ESF1: variants seen among roughly 807,000 people sequenced by gnomAD.
The protein encoded by ESF1 is ESF1 homolog.
ESF1 carries 58 observed loss-of-function variants against 92.0 expected under a neutral mutation model. The ratio of observed to expected loss-of-function variants is 0.63; its 90% CI spans 0.51 to 0.78. The LOEUF (loss-of-function observed/expected upper bound fraction) is 0.78, where lower values mean the gene tolerates loss of function less well. Ranked by LOEUF, ESF1 falls within the 30% of genes least tolerant of loss-of-function variation. The probability of loss-of-function intolerance (pLI) is 0.00; values close to 1 mark genes in which losing one functional copy is unlikely to be tolerated. For missense variants in ESF1, 922 were observed against 989.1 expected (o/e 0.93, Z 0.91); for synonymous variants, 321 against 313.7 (o/e 1.02, Z -0.24).
chr20:13,761,237 ACACTGCGGAAGGCCGCAG>A (rs957956976), intron 8 of ESF1, among the ~76,000 whole-genome samples: 12 of 152,080 alleles, frequency 7.9e-5, no homozygotes, highest in Admixed American at 7.2e-4. Context: ...AGGGACACAA[ACACTGCGGAAGGCCGCAG>A]GGTCCTCTGC....
intron 9 of ESF1, among the ~76,000 whole-genome samples, chr20:13,738,791 C>T (rs116810027): frequency 0.018 from 2,802 of 152,200 alleles, 91 homozygotes; most frequent in African/African-American, 0.062. Flanking sequence ...GTAACTCTAG[C>T]GGCCAGTGAA....
intron 3 of ESF1, 97 bp from the exon 4 acceptor site, chr20:13,775,367 G>T: frequency 1.3e-6 from 1 of 751,320 alleles, no homozygotes; most frequent in Non-Finnish European, 2.1e-6. Flanking sequence ...TGTCCCCTAT[G>T]CTCTGAAATT....
In ESF1 at chr20:13,782,799, CT is replaced by C. The variant is rs1418161901; in HGVS notation, c.341del (p.Lys114ArgfsTer18). On this transcript the variant is annotated frameshift_variant, in exon 2 of 14. Transcript: ENST00000617257. LOFTEE classifies it high-confidence loss of function. The part of the protein sequence containing the change: ...EIDSKNLVEK[K>X]KETKKANHKG... ...TGTGATTAGCCTTCTTGGTTTCTTT[CT>C]TTTTCTCAACTAGATTTTTTGAATC... 2.5e-6 allele frequency: 4 copies of C among 1,604,734 alleles called. No homozygotes were observed. The highest frequency in any genetic ancestry group is 1.7e-5 in the Admixed American group (1 of 58,112).
intron 11 of ESF1, among the ~76,000 whole-genome samples, chr20:13,719,422 C>T (rs2049852543): frequency 6.6e-6 from 1 of 151,958 alleles, no homozygotes; most frequent in Non-Finnish European, 1.5e-5. Context: ...ATTCCATGTA[C>T]TAGTGACATA....
chr20:13,749,917 C>T (rs537194676), intron 9 of ESF1, among the ~76,000 whole-genome samples: 1 of 152,194 alleles, frequency 6.6e-6, no homozygotes, highest in East Asian at 1.9e-4. Context: ...ACCACCCACC[C>T]TCAGTAAAGA....
At chr20:13,768,600 A>AG (rs1979536258) in intron 7 of ESF1, among the ~76,000 whole-genome samples, 1 of 151,328 alleles carries the variant, frequency 6.6e-6, no homozygotes, top group African/African-American at 2.4e-5. Context: ...GCAAAAAAAA[A>AG]GAAAAGGGAG....
At position 13,775,164 on chromosome 20, in the gene ESF1, G is replaced by A; in HGVS notation, c.1142C>T (p.Ser381Phe). 1 of 1,582,502 alleles carries A rather than the reference G, an allele frequency of 6.3e-7. No individual in the cohort carries two copies. The part of the protein sequence containing the change: ...SFKPKGGVIF[S>F]VKIYPSEFGK... ...AATGAAATCAATTCTCACCTTGACG[G>A]AAAATATTACACCTCCTTTGGGTTT... is the stretch of plus-strand genomic sequence containing the variant. Residue 381 changes from serine to phenylalanine, a missense_variant, in exon 4 of 14, where the codon TCC (serine) becomes TTC (phenylalanine). Transcript: ENST00000617257.
chr20:13,725,821 T>A (rs1457653923), intron 11 of ESF1, among the ~76,000 whole-genome samples: 1 of 152,212 alleles, frequency 6.6e-6, no homozygotes, highest in East Asian at 1.9e-4. Flanking sequence ...CTCAGACTTA[T>A]ATCTCAATAT....
At chr20:13,760,357 T>C (rs1225298018) in intron 8 of ESF1, among the ~76,000 whole-genome samples, 1 of 150,896 alleles carries the variant, frequency 6.6e-6, no homozygotes, top group African/African-American at 2.4e-5. Flanking sequence ...GAGGAGCATC[T>C]CTGCCCGGCC....
chr20:13,730,871 C>G (rs1321286424), intron 10 of ESF1, among the ~76,000 whole-genome samples: 1 of 152,028 alleles, frequency 6.6e-6, no homozygotes, highest in Non-Finnish European at 1.5e-5. Flanking sequence ...GTATTCATTT[C>G]TTCAGTAATA....
chr20:13,782,423 TTAA>T (rs1297763056), intron 2 of ESF1, 78 bp downstream of exon 2: 7 of 1,177,852 alleles, frequency 5.9e-6, no homozygotes, highest in South Asian at 4.4e-5. Flanking sequence ...AAAATACTTA[TTAA>T]TGTGTTTACA....
intron 2 of ESF1, 55 bp from the exon 3 acceptor site, chr20:13,776,325 T>A (rs1191784184): frequency 8.1e-6 from 12 of 1,487,524 alleles, no homozygotes; most frequent in African/African-American, 1.4e-5. Flanking sequence ...TGAATTAAAC[T>A]GAATCCAAAT....
At chr20:13,728,592 C>A in intron 10 of ESF1, 127 bp from the exon 11 acceptor site, 2 of 761,142 alleles carry the variant, frequency 2.6e-6, no homozygotes, top group Non-Finnish European at 4.2e-6. Context: ...AGTGGCCAAG[C>A]GTGGTGGCTC....
intron 7 of ESF1, 69 bp downstream of exon 7, chr20:13,769,838 A>G (rs1979600702): frequency 1.1e-6 from 1 of 926,500 alleles, no homozygotes; most frequent in African/African-American, 2.1e-5. Flanking sequence ...AAGATGCTAT[A>G]AGTAATATAC....
Position 13,714,873 on chromosome 20 carries a change from G to C in ESF1, c.*1C>G. 1 of 1,592,892 alleles carries C rather than the reference G, an allele frequency of 6.3e-7. No individual in the cohort carries two copies. The highest frequency in any genetic ancestry group is 8.5e-7 in the Non-Finnish European group (1 of 1,171,860). Reference sequence around the variant, plus strand: ...TCAGTTCAAAAATAAGTAACATCCAGTTATTTGACTTTTTGCTTTTTTCTT... The same window carrying C: ...TCAGTTCAAAAATAAGTAACATCCACTTATTTGACTTTTTGCTTTTTTCTT... On this transcript the variant is annotated 3_prime_UTR_variant, in exon 14 of 14. Transcript: ENST00000617257.
chr20:13,716,047 A>G (rs1373838549), intron 13 of ESF1, among the ~76,000 whole-genome samples: 1 of 152,198 alleles, frequency 6.6e-6, no homozygotes, highest in Non-Finnish European at 1.5e-5. Flanking sequence ...TGTGAAACTG[A>G]CTCAAACAAC....
At chr20:13,720,288 C>T (rs2049858712) in intron 11 of ESF1, among the ~76,000 whole-genome samples, 1 of 152,104 alleles carries the variant, frequency 6.6e-6, no homozygotes, top group Admixed American at 6.6e-5. Flanking sequence ...CCAAGTGTGA[C>T]CCACTCAAGC....
At chr20:13,748,568 G>GTATA (rs1568718402) in intron 9 of ESF1, among the ~76,000 whole-genome samples, 4 of 14,186 alleles carry the variant, frequency 2.8e-4, no homozygotes, top group African/African-American at 1.4e-3. Context: ...ATATATATGT[G>GTATA]TGTGTGTATA....
At chr20:13,716,167 TACTC>T (rs1413949374) in intron 13 of ESF1, among the ~76,000 whole-genome samples, 2 of 152,198 alleles carry the variant, frequency 1.3e-5, no homozygotes, top group Non-Finnish European at 2.9e-5. Flanking sequence ...TCCCCCATCT[TACTC>T]AGGGTCAGTT....
Sources: gnomAD v4.1 joint callset for allele counts (sites outside exome capture counted in the v4.1 genomes callset) on GRCh38, gnomAD v4.1.1 for gene constraint, MANE v1.5 for transcripts, NCBI Gene and HGNC (gene_info 2026-07-23, HGNC 2026-07-21) for gene names.